Variants in KCNC2 observed in about 807,000 individuals in gnomAD.
KCNC2 encodes the protein potassium voltage-gated channel subfamily C member 2.
A neutral mutation model predicts 44.5 loss-of-function variants in KCNC2; 21 were observed. The observed-to-expected ratio is 0.47, with a 90% CI of 0.33 to 0.68. The LOEUF (loss-of-function observed/expected upper bound fraction) is 0.68. Ranked by LOEUF, KCNC2 falls within the 30% of genes least tolerant of loss-of-function variation. The probability of loss-of-function intolerance (pLI) is 0.01; values close to 1 mark genes in which losing one functional copy is unlikely to be tolerated. For synonymous variants in KCNC2, 391 were observed against 339.1 expected, an observed-to-expected ratio of 1.15 and a Z score of -1.68; for missense variants, 589 against 826.2, an observed-to-expected ratio of 0.71 and a Z score of 3.52.
intron 2 of KCNC2, among the ~76,000 whole-genome samples, chr12:75,080,427 T>C (rs1326168752): frequency 1.3e-5 from 2 of 151,830 alleles, no homozygotes; most frequent in East Asian, 3.9e-4. Flanking sequence ...AAAAACCATC[T>C]CCAGGAAACT....
chr12:75,207,749 C>A lies in KCNC2; in HGVS notation c.235G>T (p.Glu79Ter). The part of the protein sequence containing the change: ...PLSPGPGGCF[E>*]GGAGNCSSRG... Reference sequence around the variant, plus strand: ...GAACTGCAGTTGCCCGCGCCGCCCTCGAAGCAGCCGCCTGGCCCGGGGGAC... The same window carrying A: ...GAACTGCAGTTGCCCGCGCCGCCCTAGAAGCAGCCGCCTGGCCCGGGGGAC... Residue 79 changes from glutamate to a stop codon, truncating the protein, a stop_gained, in exon 2 of 5, where the codon GAG (glutamate) becomes TAG (stop). Coordinates refer to ENST00000549446, the MANE Select transcript of KCNC2 (RefSeq NM_139137.4). LOFTEE classifies it high-confidence loss of function. This position sits in a 1 kb window ranked among gnomAD's most constrained non-coding sequence, Gnocchi z 4.1. 1 of 1,567,142 alleles carries A rather than the reference C, an allele frequency of 6.4e-7. No individual in the cohort carries two copies. Among genetic ancestry groups the A allele is most frequent in the Non-Finnish European group, 8.6e-7 (1 of 1,156,550 alleles).
At chr12:75,154,239 A>G (rs1890608396) in intron 2 of KCNC2, among the ~76,000 whole-genome samples, 1 of 152,078 alleles carries the variant, frequency 6.6e-6, no homozygotes, top group Admixed American at 6.6e-5. Context: ...TTAGCAAAGC[A>G]TGCAACTATC....
intron 2 of KCNC2, among the ~76,000 whole-genome samples, chr12:75,105,483 T>G (rs1266527932): frequency 2.6e-5 from 4 of 152,064 alleles, no homozygotes; most frequent in Non-Finnish European, 4.4e-5. Flanking sequence ...GATGTGTTTG[T>G]TTAAGAATAG....
At chr12:75,064,680 A>G (rs1882654125) in intron 2 of KCNC2, among the ~76,000 whole-genome samples, 1 of 152,064 alleles carries the variant, frequency 6.6e-6, no homozygotes, top group African/African-American at 2.4e-5. Context: ...TTTAACAAGA[A>G]TGGATGCTTT....
chr12:75,098,532 G>C (rs961962599), intron 2 of KCNC2, among the ~76,000 whole-genome samples: 6 of 152,138 alleles, frequency 3.9e-5, no homozygotes, highest in African/African-American at 1.4e-4. Context: ...GCCAAGGCTG[G>C]TGGATCACCT....
In KCNC2 at chr12:75,042,378, T is replaced by A. The variant is rs992390772; in HGVS notation, c.*727A>T. On this transcript the variant is annotated 3_prime_UTR_variant, in exon 5 of 5. Coordinates refer to ENST00000549446, the MANE Select transcript of KCNC2 (RefSeq NM_139137.4). ...ATGACAACCTCTTTGCAGTTATCTG[T>A]GTGCAAACAACCAGAGACATTCAGA... is the stretch of plus-strand genomic sequence containing the variant. The A allele has an allele frequency of 1.2e-6, 2 of 1,610,424 alleles. No homozygotes were observed. Among genetic ancestry groups the A allele is most frequent in the Non-Finnish European group, 1.7e-6 (2 of 1,177,782 alleles).
At chr12:75,203,208 T>C (rs2031430045) in intron 2 of KCNC2, among the ~76,000 whole-genome samples, 1 of 151,826 alleles carries the variant, frequency 6.6e-6, no homozygotes, top group African/African-American at 2.4e-5. Flanking sequence ...CTACATTTAA[T>C]ACTAGCAAAT....
chr12:75,148,000 T>A (rs1205408668), intron 2 of KCNC2, among the ~76,000 whole-genome samples: 1 of 152,144 alleles, frequency 6.6e-6, no homozygotes, highest in Non-Finnish European at 1.5e-5. Flanking sequence ...TAGCAAAATT[T>A]TATTGTGTAA....
chr12:75,047,178 T>C (rs759225093), intron 4 of KCNC2, among the ~76,000 whole-genome samples: 6 of 151,916 alleles, frequency 3.9e-5, no homozygotes, highest in Non-Finnish European at 8.8e-5. Flanking sequence ...ACTGTGGCAA[T>C]AAAGCAACTG....
chr12:75,192,146 T>C (rs2030340515), intron 2 of KCNC2, among the ~76,000 whole-genome samples: 1 of 152,250 alleles, frequency 6.6e-6, no homozygotes, highest in Non-Finnish European at 1.5e-5. Context: ...TGGATATTTC[T>C]AATTTATTAA....
chr12:75,128,694 G>A (rs1888617899), intron 2 of KCNC2, among the ~76,000 whole-genome samples: 2 of 152,034 alleles, frequency 1.3e-5, no homozygotes, highest in South Asian at 2.1e-4. Context: ...GGTTTTCACT[G>A]CCTGGTTATG....
intron 2 of KCNC2, among the ~76,000 whole-genome samples, chr12:75,117,690 AATAAT>A (rs1221047585): frequency 1.3e-5 from 2 of 152,084 alleles, no homozygotes; most frequent in Non-Finnish European, 2.9e-5. Context: ...TCAATTAAAT[AATAAT>A]ATATTACACA....
At chr12:75,100,880 C>T (rs1388512212) in intron 2 of KCNC2, among the ~76,000 whole-genome samples, 1 of 151,968 alleles carries the variant, frequency 6.6e-6, no homozygotes, top group Non-Finnish European at 1.5e-5. Flanking sequence ...CAAAGTGAAG[C>T]TTATTGAGAG....
At chr12:75,150,050 G>A (rs1000785725) in intron 2 of KCNC2, among the ~76,000 whole-genome samples, 1 of 151,724 alleles carries the variant, frequency 6.6e-6, no homozygotes, top group Non-Finnish European at 1.5e-5. Flanking sequence ...GAAGTCATTT[G>A]ATTATACAAC....
chr12:75,069,151 T>TTTTTTTTA (rs869250638), intron 2 of KCNC2, among the ~76,000 whole-genome samples: 1 of 142,670 alleles, frequency 7.0e-6, no homozygotes, highest in African/African-American at 2.6e-5. Flanking sequence ...TTTTTTTTTT[T>TTTTTTTTA]GAGACGGAAT....
chr12:75,094,766 C>T (rs188596332), intron 2 of KCNC2, among the ~76,000 whole-genome samples: 1 of 151,752 alleles, frequency 6.6e-6, no homozygotes, highest in East Asian at 1.9e-4. Context: ...TCATGACAGT[C>T]CTGATTTGGG....
At chr12:75,053,855 A>G (rs1455341917) in intron 2 of KCNC2, among the ~76,000 whole-genome samples, 1 of 149,744 alleles carries the variant, frequency 6.7e-6, no homozygotes, top group African/African-American at 2.4e-5. Flanking sequence ...TAATATTTGA[A>G]AAAGAAAACA....
intron 2 of KCNC2, among the ~76,000 whole-genome samples, chr12:75,125,772 T>A (rs1434557864): frequency 6.6e-6 from 1 of 152,146 alleles, no homozygotes; most frequent in Non-Finnish European, 1.5e-5. Flanking sequence ...TCCCTTTTCT[T>A]TTTCATGTGT....
At chr12:75,070,311 C>G (rs1883269858) in intron 2 of KCNC2, among the ~76,000 whole-genome samples, 1 of 151,216 alleles carries the variant, frequency 6.6e-6, no homozygotes, top group South Asian at 2.1e-4. Context: ...ATTAGCCAGT[C>G]ATGGTGGTGC....
Sources: allele counts gnomAD v4.1 joint callset (sites outside exome capture counted in the v4.1 genomes callset), GRCh38; gene constraint gnomAD v4.1.1; non-coding constraint Gnocchi (gnomAD v3.1); transcripts MANE v1.5; gene names NCBI Gene and HGNC (gene_info 2026-07-23, HGNC 2026-07-21).